The following RAPGEF5 variants were observed in gnomAD, a reference collection of about 807,000 sequenced individuals.
The protein encoded by RAPGEF5 is M-Ras-regulated GEF.
Under a neutral mutation model 125.2 loss-of-function variants are expected in RAPGEF5, and 65 were observed. That is an observed-to-expected ratio of 0.52 (90% confidence interval 0.43 to 0.64). RAPGEF5 has a LOEUF of 0.64. Among genes scored for constraint, RAPGEF5 ranks in the 30% least tolerant of loss-of-function variants. RAPGEF5 has a pLI of 0.00. For synonymous variants in RAPGEF5, 391 were observed against 385.9 expected (o/e 1.01, Z -0.16); for missense variants, 958 against 1,048.1 (o/e 0.91, Z 1.19).
chr7:22,350,082 A>G (rs773507990), intron 1 of RAPGEF5, among the ~76,000 whole-genome samples: 1 of 152,200 alleles, frequency 6.6e-6, no homozygotes, highest in Non-Finnish European at 1.5e-5. Context: ...GATCTCTCAA[A>G]AAGTACTTCC....
At chr7:22,264,531 GA>G (rs1782236402) in intron 7 of RAPGEF5, among the ~76,000 whole-genome samples, 1 of 152,140 alleles carries the variant, frequency 6.6e-6, no homozygotes, top group African/African-American at 2.4e-5. Flanking sequence ...TCCACCTCCA[GA>G]AAGTTGAAAC....
intron 21 of RAPGEF5, among the ~76,000 whole-genome samples, chr7:22,138,575 C>T (rs943103734): frequency 4.6e-5 from 7 of 152,170 alleles, no homozygotes; most frequent in African/African-American, 1.7e-4. Context: ...AGCTGGACCT[C>T]GAAGGCCCTG....
chr7:22,286,424 C>T (rs1654147020), intron 6 of RAPGEF5, among the ~76,000 whole-genome samples: 2 of 152,224 alleles, frequency 1.3e-5, no homozygotes, highest in Non-Finnish European at 2.9e-5. Flanking sequence ...AAATTTCATT[C>T]AAACCCAGAT....
intron 11 of RAPGEF5, among the ~76,000 whole-genome samples, chr7:22,168,960 A>G (rs528519441): frequency 1.3e-5 from 2 of 152,334 alleles, no homozygotes; most frequent in South Asian, 4.1e-4. Context: ...TAAATTCGAC[A>G]AATTTTCTTA....
At chr7:22,267,160 T>C in intron 6 of RAPGEF5, 148 bp from the exon 7 acceptor site, 1 of 664,398 alleles carries the variant, frequency 1.5e-6, no homozygotes, top group South Asian at 2.3e-5. Flanking sequence ...GATTTTTGCT[T>C]GTTTTTAGTA....
intron 1 of RAPGEF5, among the ~76,000 whole-genome samples, chr7:22,349,488 A>G (rs1293152868): frequency 1.3e-5 from 2 of 152,156 alleles, no homozygotes; most frequent in Non-Finnish European, 2.9e-5. Context: ...TTCATTTCAA[A>G]GTAGCTTCAA....
intron 24 of RAPGEF5, among the ~76,000 whole-genome samples, chr7:22,127,599 A>C (rs927244848): frequency 6.6e-6 from 1 of 152,256 alleles, no homozygotes; most frequent in African/African-American, 2.4e-5. Context: ...TTGAGAATCA[A>C]CAGTAGCTCT....
At chr7:22,288,008 G>A (rs1798803) in intron 6 of RAPGEF5, among the ~76,000 whole-genome samples, 34,790 of 151,972 alleles carry the variant, frequency 0.23, 4,575 homozygotes, top group African/African-American at 0.36. Flanking sequence ...ATTTATTTTC[G>A]TTTCTAAATA....
In RAPGEF5 at chr7:22,230,910, T is replaced by C. The variant is rs1368160221; in HGVS notation, c.806A>G (p.Gln269Arg). The C allele has an allele frequency of 1.3e-6, 2 of 1,559,542 alleles. No homozygotes were observed. The highest frequency in any genetic ancestry group is 8.7e-7 in the Non-Finnish European group (1 of 1,150,170). Residue 269 changes from glutamine to arginine, a missense_variant, in exon 8 of 26, where the codon CAA becomes CGA. Transcript: ENST00000665637. ...ATGTTTGTCGTTGTTTTCTTCATCT[T>C]GTTCAATTGCTTAAAAAAAAGAACA... ...ALKARKSAIE[Q>R]DEENNDKHVA...
chr7:22,273,652 A>T lies in RAPGEF5; in HGVS notation c.748-6640T>A, dbSNP rs185961166. ...GAAGTGATCTGAAACTAACAAAATG[A>T]ACTGGAATAGTCTTCTACGATTTTA... On this transcript the variant is annotated intron_variant, in intron 6 of 25. Coordinates refer to ENST00000665637, the MANE Select transcript of RAPGEF5 (RefSeq NM_012294.5). Among the ~76,000 whole-genome samples the T allele has an allele frequency of 7.3e-4, 111 of 152,352 alleles. 2 individuals are homozygous for T. In the Middle Eastern group the frequency reaches 0.02, roughly 28 times the overall value.
chr7:22,147,356 T>C (rs1344938253), intron 18 of RAPGEF5, among the ~76,000 whole-genome samples: 1 of 152,134 alleles, frequency 6.6e-6, no homozygotes, highest in Non-Finnish European at 1.5e-5. Context: ...CGAAATCACT[T>C]TGGCTTCTGG....
intron 6 of RAPGEF5, among the ~76,000 whole-genome samples, chr7:22,270,463 G>C (rs763315512): frequency 2.3e-4 from 35 of 152,152 alleles, no homozygotes; most frequent in Non-Finnish European, 8.8e-5. Flanking sequence ...CTGTGTTGTT[G>C]GCTAACCTGA....
intron 11 of RAPGEF5, among the ~76,000 whole-genome samples, chr7:22,184,930 T>TTCCCTCTCCTCTCTCTCTC (rs1263083569): frequency 6.6e-6 from 1 of 152,098 alleles, no homozygotes; most frequent in East Asian, 1.9e-4. Flanking sequence ...CTCTCTCTCT[T>TTCCCTCTCCTCTCTCTCTC]TCTCTCTCCT....
chr7:22,203,202 C>CA (rs1388244233), intron 9 of RAPGEF5, among the ~76,000 whole-genome samples: 3 of 152,028 alleles, frequency 2.0e-5, no homozygotes, highest in Non-Finnish European at 2.9e-5. Flanking sequence ...AAGGAGGTTC[C>CA]AAGCCCCTCT....
chr7:22,263,566 C>T (rs140772285), intron 7 of RAPGEF5, among the ~76,000 whole-genome samples: 151 of 151,892 alleles, frequency 9.9e-4, no homozygotes, highest in African/African-American at 3.5e-3. Context: ...ACTGTCTCTA[C>T]TAAAAATACA....
chr7:22,267,713 C>T (rs1452607194), intron 6 of RAPGEF5, among the ~76,000 whole-genome samples: 1 of 152,072 alleles, frequency 6.6e-6, no homozygotes, highest in African/African-American at 2.4e-5. Context: ...AAGCAGAACA[C>T]GAAACAGTGA....
intron 6 of RAPGEF5, among the ~76,000 whole-genome samples, chr7:22,285,094 AC>A (rs1226810518): frequency 3.9e-5 from 6 of 152,204 alleles, no homozygotes; most frequent in Middle Eastern, 3.2e-3. Context: ...AACACAGAGC[AC>A]CGTGGAGTAC....
intron 9 of RAPGEF5, among the ~76,000 whole-genome samples, chr7:22,195,981 A>G (rs1210769729): frequency 6.6e-6 from 1 of 152,198 alleles, no homozygotes. Context: ...ATGGATGGGA[A>G]GGGCTTCTCT....
intron 6 of RAPGEF5, among the ~76,000 whole-genome samples, chr7:22,272,760 T>A (rs569776326): frequency 6.6e-6 from 1 of 152,184 alleles, no homozygotes; most frequent in Non-Finnish European, 1.5e-5. Context: ...TTATTTTTTA[T>A]TTTCTTATTT....
Sources: gnomAD v4.1 joint callset for allele counts (sites outside exome capture counted in the v4.1 genomes callset) on GRCh38, gnomAD v4.1.1 for gene constraint, MANE v1.5 for transcripts, NCBI Gene and HGNC (gene_info 2026-07-23, HGNC 2026-07-21) for gene names.